Variants in FGF14 observed in about 807,000 individuals in gnomAD.
FGF14 encodes the protein fibroblast growth factor homologous factor 4.
FGF14 carries 5 observed loss-of-function variants against 25.5 expected under a neutral mutation model. That is an observed-to-expected ratio of 0.20 (90% confidence interval 0.10 to 0.41). The LOEUF is 0.41. Ranked by LOEUF, FGF14 falls within the 10% of genes least tolerant of loss-of-function variation. FGF14 has a pLI of 1.00. For missense variants in FGF14, 222 were observed against 320.1 expected (o/e 0.69, Z 2.34); for synonymous variants, 138 against 118.3 (o/e 1.17, Z -1.08).
chr13:102,302,477 G>T (rs909106527), intron 1 of FGF14, among the ~76,000 whole-genome samples: 1 of 152,014 alleles, frequency 6.6e-6, no homozygotes, highest in African/African-American at 2.4e-5. Flanking sequence ...TCCAGGTGGA[G>T]CCATGGACTC....
chr13:101,828,333 G>C (rs1344927808), intron 3 of FGF14, among the ~76,000 whole-genome samples: 1 of 151,968 alleles, frequency 6.6e-6, no homozygotes. Context: ...ATCGAGAATT[G>C]AATATGCACA....
At chr13:102,275,174 G>T (rs1187474373) in intron 1 of FGF14, among the ~76,000 whole-genome samples, 2 of 150,576 alleles carry the variant, frequency 1.3e-5, no homozygotes, top group African/African-American at 2.4e-5. Flanking sequence ...GACCTTGTGG[G>T]TAATACTTCC....
chr13:101,840,513 T>C (rs938003920), intron 3 of FGF14, among the ~76,000 whole-genome samples: 4 of 151,788 alleles, frequency 2.6e-5, no homozygotes, highest in Admixed American at 1.3e-4. Context: ...ACTGGCTCTA[T>C]TATATAACTT....
rs2034433713 is a variant in FGF14 at position 101,710,882 on chromosome 13, CAA to C, written c.*11947_*11948del. The C allele has an allele frequency of 6.6e-6, 1 of 152,156 alleles. No homozygotes were observed. Among genetic ancestry groups the C allele is most frequent in the South Asian group, 2.1e-4 (1 of 4,832 alleles). 9.4% of individuals were successfully genotyped at this position (152,156 alleles called of 1,614,324 possible). A position where few individuals can be genotyped will look rare whatever the true frequency, so the allele number is the denominator to read the frequency against. On this transcript the variant is annotated 3_prime_UTR_variant, in exon 5 of 5. Transcript: ENST00000376143. Reference sequence around the variant, plus strand: ...AATCACTCCATAGAAAAATTTAAAACAAGATACATTCTTGTGACCTTCATAAC... The same window carrying C: ...AATCACTCCATAGAAAAATTTAAAACGATACATTCTTGTGACCTTCATAAC...
intron 1 of FGF14, among the ~76,000 whole-genome samples, chr13:102,170,875 T>C (rs2048217590): frequency 6.6e-6 from 1 of 152,190 alleles, no homozygotes; most frequent in Admixed American, 6.6e-5. Context: ...TATTTTCATC[T>C]ACATTTTCAA....
chr13:101,969,763 G>T (rs1043147082), intron 1 of FGF14, among the ~76,000 whole-genome samples: 3 of 152,136 alleles, frequency 2.0e-5, no homozygotes, highest in African/African-American at 4.8e-5. Flanking sequence ...TTAGAAAAAA[G>T]GAATTTTTAT....
chr13:102,129,719 G>C (rs2046107996), intron 1 of FGF14, among the ~76,000 whole-genome samples: 1 of 152,030 alleles, frequency 6.6e-6, no homozygotes, highest in Admixed American at 6.6e-5. Context: ...GATAGCATTA[G>C]GAGATATACC....
chr13:101,856,397 A>G (rs949325781), intron 3 of FGF14, among the ~76,000 whole-genome samples: 4 of 151,924 alleles, frequency 2.6e-5, no homozygotes, highest in African/African-American at 9.7e-5. Context: ...ATTACTATAT[A>G]CCAAGAGGAA....
Position 101,717,677 on chromosome 13 carries a change from T to A in FGF14, c.*5154A>T, listed in dbSNP as rs1290171017. The A allele has an allele frequency of 1.3e-5, 2 of 152,108 alleles. No individual in the cohort carries two copies. The highest frequency in any genetic ancestry group is 4.8e-5 in the African/African-American group (2 of 41,406). The allele number at this position is 152,108 out of a possible 1,614,324, so 9.4% of individuals were successfully genotyped here. Reference sequence around the variant, plus strand: ...TGTCTCATATTCTTCTTTGTTGGTTTCTGTTTAATACTTTAAAGCTGTAAA... The same window carrying A: ...TGTCTCATATTCTTCTTTGTTGGTTACTGTTTAATACTTTAAAGCTGTAAA... On this transcript the variant is annotated 3_prime_UTR_variant, in exon 5 of 5. Coordinates refer to ENST00000376143, the MANE Select transcript of FGF14 (RefSeq NM_004115.4).
chr13:102,074,441 A>T (rs2043278517), intron 1 of FGF14, among the ~76,000 whole-genome samples: 1 of 152,226 alleles, frequency 6.6e-6, no homozygotes, highest in Non-Finnish European at 1.5e-5. Flanking sequence ...ACACCTGGAA[A>T]AATACAACTA....
At chr13:101,845,702 G>A (rs1404627213) in intron 3 of FGF14, among the ~76,000 whole-genome samples, 2 of 151,952 alleles carry the variant, frequency 1.3e-5, no homozygotes, top group African/African-American at 4.8e-5. Flanking sequence ...GGCACCAGAG[G>A]CGTAAATGAG....
At chr13:101,877,433 C>T (rs2138762269) in intron 1 of FGF14, among the ~76,000 whole-genome samples, 1 of 151,976 alleles carries the variant, frequency 6.6e-6, no homozygotes, top group South Asian at 2.1e-4. Context: ...TAATAGAAGC[C>T]CACTTGGAGG....
chr13:101,831,427 A>G (rs901110790), intron 3 of FGF14, among the ~76,000 whole-genome samples: 1 of 151,960 alleles, frequency 6.6e-6, no homozygotes, highest in Non-Finnish European at 1.5e-5. Context: ...AGGATATTCC[A>G]TTCAATTTCA....
At chr13:102,106,100 A>G (rs1233325305) in intron 1 of FGF14, among the ~76,000 whole-genome samples, 1 of 152,230 alleles carries the variant, frequency 6.6e-6, no homozygotes, top group Non-Finnish European at 1.5e-5. Context: ...TGGTTCAGCT[A>G]GAAAAAATAT....
chr13:101,915,033 A>G (rs2139111585), intron 1 of FGF14, among the ~76,000 whole-genome samples: 1 of 152,282 alleles, frequency 6.6e-6, no homozygotes, highest in South Asian at 2.1e-4. Context: ...TGGCTCCTAC[A>G]CTGGTCTGAA....
chr13:101,797,772 T>TGTGTGTGTGTGTGCGCGCGC (rs1555384576), intron 3 of FGF14, among the ~76,000 whole-genome samples: 1 of 145,556 alleles, frequency 6.9e-6, no homozygotes, highest in African/African-American at 2.5e-5. Flanking sequence ...TGTGTGTGTG[T>TGTGTGTGTGTGTGCGCGCGC]GTGTGTGTGT....
At chr13:102,126,015 C>G (rs2045934489) in intron 1 of FGF14, among the ~76,000 whole-genome samples, 1 of 152,110 alleles carries the variant, frequency 6.6e-6, no homozygotes, top group Non-Finnish European at 1.5e-5. Flanking sequence ...TTCCCTGTGT[C>G]CATGGTTACC....
chr13:101,859,307 C>G (rs1425351218), intron 3 of FGF14, among the ~76,000 whole-genome samples: 1 of 152,152 alleles, frequency 6.6e-6, no homozygotes, highest in African/African-American at 2.4e-5. Context: ...CATGGAATCA[C>G]AGATTCTGAG....
chr13:102,073,178 G>T (rs2043218744), intron 1 of FGF14, among the ~76,000 whole-genome samples: 1 of 152,162 alleles, frequency 6.6e-6, no homozygotes, highest in African/African-American at 2.4e-5. Context: ...TTTGAACCCA[G>T]GAGGCAGGGG....
Sources: gnomAD v4.1 joint callset for allele counts (sites outside exome capture counted in the v4.1 genomes callset) on GRCh38, gnomAD v4.1.1 for gene constraint, MANE v1.5 for transcripts, NCBI Gene and HGNC (gene_info 2026-07-23, HGNC 2026-07-21) for gene names.